NEGR1: variants seen among roughly 807,000 people sequenced by gnomAD.
The protein encoded by NEGR1 is neuronal growth regulator 1.
A neutral mutation model predicts 40.9 loss-of-function variants in NEGR1; 10 were observed. That is an observed-to-expected ratio of 0.24 (90% CI 0.15 to 0.42). The LOEUF (loss-of-function observed/expected upper bound fraction) is 0.42. Ranked by LOEUF, NEGR1 falls within the 10% of genes least tolerant of loss-of-function variation. The pLI is 1.00. For synonymous variants in NEGR1, 185 were observed against 166.8 expected, an observed-to-expected ratio of 1.11 and a Z score of -0.84; for missense variants, 352 against 438.9, an observed-to-expected ratio of 0.80 and a Z score of 1.77.
intron 1 of NEGR1, among the ~76,000 whole-genome samples, chr1:71,970,601 A>C (rs562304497): frequency 2.0e-5 from 3 of 152,144 alleles, no homozygotes; most frequent in African/African-American, 7.2e-5. Context: ...AGGCCGAGGG[A>C]GTAGAATCAC....
chr1:71,414,793 G>C (rs369819918), intron 6 of NEGR1, among the ~76,000 whole-genome samples: 215 of 152,258 alleles, frequency 1.4e-3, no homozygotes, highest in African/African-American at 4.8e-3. Flanking sequence ...AGGGACCAAT[G>C]TAGAGATTTT....
intron 1 of NEGR1, among the ~76,000 whole-genome samples, chr1:72,023,724 A>T (rs1646780918): frequency 6.6e-6 from 1 of 152,046 alleles, no homozygotes; most frequent in Admixed American, 6.6e-5. Flanking sequence ...AGCTATGTAA[A>T]GGCTTTCATA....
At chr1:72,270,454 C>T (rs941015753) in intron 1 of NEGR1, among the ~76,000 whole-genome samples, 3 of 151,882 alleles carry the variant, frequency 2.0e-5, no homozygotes, top group African/African-American at 7.2e-5. Context: ...TTCAGCATAA[C>T]CTACAGATGC....
At chr1:71,973,635 T>C (rs960042838) in intron 1 of NEGR1, among the ~76,000 whole-genome samples, 5 of 152,218 alleles carry the variant, frequency 3.3e-5, no homozygotes, top group Non-Finnish European at 7.3e-5. Context: ...TTTAATAAAA[T>C]TATATCATCT....
chr1:71,551,019 T>C (rs1201072798), intron 6 of NEGR1, among the ~76,000 whole-genome samples: 12 of 151,606 alleles, frequency 7.9e-5, no homozygotes, highest in Admixed American at 7.9e-4. Flanking sequence ...TAATATAGTA[T>C]GGTACTCTAC....
intron 4 of NEGR1, among the ~76,000 whole-genome samples, chr1:71,692,120 C>T (rs1005174200): frequency 6.6e-6 from 1 of 151,558 alleles, no homozygotes; most frequent in Non-Finnish European, 1.5e-5. Flanking sequence ...CAGGCTGTAG[C>T]ACCTTGATTC....
intron 1 of NEGR1, among the ~76,000 whole-genome samples, chr1:72,053,631 A>G (rs1569884682): frequency 1.3e-5 from 2 of 151,164 alleles, no homozygotes; most frequent in East Asian, 3.9e-4. Flanking sequence ...GGTAATTAAC[A>G]TTAAACTCAA....
At chr1:72,149,785 G>A (rs1321479317) in intron 1 of NEGR1, among the ~76,000 whole-genome samples, 1 of 149,484 alleles carries the variant, frequency 6.7e-6, no homozygotes, top group Non-Finnish European at 1.5e-5. Context: ...AGGAGGTGAG[G>A]CAGAAGAATC....
At chr1:71,660,989 T>C (rs1178747284) in intron 4 of NEGR1, among the ~76,000 whole-genome samples, 2 of 152,214 alleles carry the variant, frequency 1.3e-5, no homozygotes, top group Non-Finnish European at 2.9e-5. Flanking sequence ...CTGAGAATGA[T>C]GGTTTCCAGC....
At chr1:72,138,854 A>C (rs1650567484) in intron 1 of NEGR1, among the ~76,000 whole-genome samples, 1 of 151,960 alleles carries the variant, frequency 6.6e-6, no homozygotes, top group Admixed American at 6.6e-5. Context: ...AACTTTATAT[A>C]ATTTCACATT....
intron 1 of NEGR1, among the ~76,000 whole-genome samples, chr1:72,101,977 C>T (rs945399052): frequency 6.6e-6 from 1 of 151,990 alleles, no homozygotes; most frequent in South Asian, 2.1e-4. Context: ...TCTGTCTATC[C>T]ATCTGCCCAT....
intron 1 of NEGR1, among the ~76,000 whole-genome samples, chr1:72,002,330 A>T (rs1230134922): frequency 2.0e-5 from 3 of 152,174 alleles, no homozygotes; most frequent in African/African-American, 7.2e-5. Flanking sequence ...AAAAATTCAC[A>T]ATAAATAATT....
intron 2 of NEGR1, among the ~76,000 whole-genome samples, chr1:71,808,426 T>C (rs1657859626): frequency 6.6e-6 from 1 of 152,180 alleles, no homozygotes; most frequent in Non-Finnish European, 1.5e-5. Flanking sequence ...TATTATTTAT[T>C]TCTCACAGTT....
intron 2 of NEGR1, among the ~76,000 whole-genome samples, chr1:71,787,628 C>T (rs1656960313): frequency 6.6e-6 from 1 of 152,100 alleles, no homozygotes; most frequent in African/African-American, 2.4e-5. Context: ...ACCCAAATGA[C>T]ACCTTTATAG....
chr1:71,829,750 C>T (rs3909665), intron 2 of NEGR1, among the ~76,000 whole-genome samples: 1 of 151,734 alleles, frequency 6.6e-6, no homozygotes, highest in African/African-American at 2.4e-5. Flanking sequence ...CTTTAACAAG[C>T]TCTTTCAGAG....
At chr1:71,524,567 G>A (rs1325047441) in intron 6 of NEGR1, among the ~76,000 whole-genome samples, 3 of 151,562 alleles carry the variant, frequency 2.0e-5, no homozygotes, top group Non-Finnish European at 4.4e-5. Flanking sequence ...GGTTCTGAAG[G>A]AAAATATTAG....
intron 1 of NEGR1, among the ~76,000 whole-genome samples, chr1:71,996,008 C>A (rs1385505702): frequency 6.6e-6 from 1 of 151,956 alleles, no homozygotes; most frequent in Non-Finnish European, 1.5e-5. Context: ...ATTGTTAACT[C>A]TGAAATTACA....
chr1:72,028,072 A>G (rs1464229726), intron 1 of NEGR1, among the ~76,000 whole-genome samples: 2 of 152,200 alleles, frequency 1.3e-5, no homozygotes, highest in Non-Finnish European at 2.9e-5. Flanking sequence ...TTTCTATCCT[A>G]AAAATTGACT....
chr1:71,963,408 G>A (rs777177983), intron 1 of NEGR1, among the ~76,000 whole-genome samples: 1 of 152,130 alleles, frequency 6.6e-6, no homozygotes, highest in African/African-American at 2.4e-5. Flanking sequence ...GTGGAGGTTG[G>A]TTGGTCTTTT....
Sources: allele counts gnomAD v4.1 joint callset (sites outside exome capture counted in the v4.1 genomes callset), GRCh38; gene constraint gnomAD v4.1.1; transcripts MANE v1.5; gene names NCBI Gene and HGNC (gene_info 2026-07-23, HGNC 2026-07-21).